The following SKI variants were observed in gnomAD, a reference collection of about 807,000 sequenced individuals.
SKI encodes ski oncogene.
Under a neutral mutation model 59.3 loss-of-function variants are expected in SKI, and 23 were observed. The observed-to-expected ratio is 0.39, with a 90% CI of 0.28 to 0.55. The LOEUF is 0.55. Among genes scored for constraint, SKI ranks in the 20% least tolerant of loss-of-function variants. SKI has a pLI of 0.67. For synonymous variants in SKI, 673 were observed against 488.6 expected (o/e 1.38, Z -4.98); for missense variants, 1,017 against 1,038.9 (o/e 0.98, Z 0.29).
chr1:2,266,311 G>T (rs1639498842), intron 1 of SKI, among the ~76,000 whole-genome samples: 1 of 152,158 alleles, frequency 6.6e-6, no homozygotes, highest in Non-Finnish European at 1.5e-5. Flanking sequence ...GTGATCTGGG[G>T]TCTGCGGAAT....
intron 1 of SKI, among the ~76,000 whole-genome samples, chr1:2,231,244 G>A (rs532210043): frequency 6.6e-6 from 1 of 152,272 alleles, no homozygotes; most frequent in African/African-American, 2.4e-5. Flanking sequence ...TTGTGGGCTC[G>A]TGCAGGCTGC....
chr1:2,309,424 G>C lies in SKI; in HGVS notation c.*2659G>C, dbSNP rs941429790. On this transcript the variant is annotated 3_prime_UTR_variant, in exon 7 of 7. Coordinates refer to ENST00000378536, the MANE Select transcript of SKI (RefSeq NM_003036.4). ...ACACGTAATGTCTGCTTTTCGTACA[G>C]AACTAGCCAATGTAAAAACAGTTCA... 2 of 152,122 alleles carry C rather than the reference G, an allele frequency of 1.3e-5. No individual in the cohort carries two copies. The highest frequency in any genetic ancestry group is 4.8e-5 in the African/African-American group (2 of 41,392). 9.4% of individuals were successfully genotyped at this position (152,122 alleles called of 1,614,324 possible).
Position 2,306,132 on chromosome 1 carries a change from T to A in SKI, c.1880T>A (p.Met627Lys). ...CTCCGCGCCGAGAACGAGAAGAAGA[T>A]GAAAGAGGCCAACGAGTCACGGCTG... The part of the protein sequence containing the change: ...ERLRAENEKK[M>K]KEANESRLRL... The change falls in exon 6 of 7, where the codon ATG (methionine) becomes AAG (lysine). Residue 627 changes from methionine (M) to lysine (K), a missense_variant. Physicochemically the swap from Met to Lys is moderately conservative, Grantham distance 95. Coordinates refer to ENST00000378536, the MANE Select transcript of SKI (RefSeq NM_003036.4). 6.3e-7 allele frequency: 1 copy of A among 1,597,122 alleles called. No individual in the cohort carries two copies. The highest frequency in any genetic ancestry group is 8.5e-7 in the Non-Finnish European group (1 of 1,173,250).
chr1:2,233,131 G>C (rs531141904), intron 1 of SKI, among the ~76,000 whole-genome samples: 7 of 152,214 alleles, frequency 4.6e-5, no homozygotes, highest in African/African-American at 1.4e-4. Context: ...CGTGCAGGCT[G>C]ATAACAGGGT....
chr1:2,244,115 G>A (rs1213751689), intron 1 of SKI, among the ~76,000 whole-genome samples: 1 of 151,982 alleles, frequency 6.6e-6, no homozygotes, highest in Non-Finnish European at 1.5e-5. Context: ...ACAGGTGCCC[G>A]CCACCACACC....
rs1019003468 is a variant in SKI at position 2,268,014 on chromosome 1, G to T, written c.970-34964G>T. ...CAGGCTGGGCAGCCGCCACCCCTCT[G>T]TGGACGCTACTCACCCTTAGAAGCA... On this transcript the variant is annotated intron_variant, in intron 1 of 6. Transcript: ENST00000378536. The surrounding 1 kb of genome is among the most constrained non-coding windows in gnomAD (Gnocchi z 5.0). Among the ~76,000 whole-genome samples, 7 of 152,172 alleles carry T rather than the reference G, an allele frequency of 4.6e-5. No homozygotes were observed. The highest frequency in any genetic ancestry group is 4.4e-5 in the Non-Finnish European group (3 of 68,002).
intron 1 of SKI, among the ~76,000 whole-genome samples, chr1:2,276,077 G>GC (rs1298722530): frequency 1.3e-5 from 2 of 152,250 alleles, no homozygotes; most frequent in African/African-American, 4.8e-5. Flanking sequence ...TTCACACTGA[G>GC]CAAGGGCTGG....
chr1:2,277,244 C>A (rs1639762563), intron 1 of SKI, among the ~76,000 whole-genome samples: 1 of 152,192 alleles, frequency 6.6e-6, no homozygotes, highest in African/African-American at 2.4e-5. Context: ...CAGGCACATG[C>A]TACCATGCCC....
At chr1:2,241,878 G>A (rs1638882663) in intron 1 of SKI, among the ~76,000 whole-genome samples, 1 of 152,224 alleles carries the variant, frequency 6.6e-6, no homozygotes, top group South Asian at 2.1e-4. Context: ...TCTCAGAAGT[G>A]TTTTCCTGCT....
rs960396257 is a variant in SKI, at chr1:2,310,122, G to A, written c.*3357G>A. On this transcript the variant is annotated 3_prime_UTR_variant, in exon 7 of 7. Coordinates refer to ENST00000378536, the MANE Select transcript of SKI (RefSeq NM_003036.4). ...AAATGCCTGATTTAAAAAGAAAAGAGCTTGGCATATTTATCTATTTCGCTG... is the reference window on the plus strand; with the variant it reads ...AAATGCCTGATTTAAAAAGAAAAGAACTTGGCATATTTATCTATTTCGCTG... The A allele has an allele frequency of 6.6e-6, 1 of 151,808 alleles. No homozygotes were observed. The highest frequency in any genetic ancestry group is 1.5e-5 in the Non-Finnish European group (1 of 67,992). The allele number at this position is 151,808 out of a possible 1,614,324, so 9.4% of individuals were successfully genotyped here.
At chr1:2,235,701 G>A (rs138271524) in intron 1 of SKI, among the ~76,000 whole-genome samples, 2 of 152,324 alleles carry the variant, frequency 1.3e-5, no homozygotes, top group African/African-American at 4.8e-5. Context: ...ACATGAGCCT[G>A]CTTATTTACG....
At chr1:2,262,585 C>T (rs1314897161) in intron 1 of SKI, among the ~76,000 whole-genome samples, 1 of 152,200 alleles carries the variant, frequency 6.6e-6, no homozygotes, top group Non-Finnish European at 1.5e-5. Flanking sequence ...GCGTGGACGC[C>T]CTTGCTCCTG....
intron 1 of SKI, among the ~76,000 whole-genome samples, chr1:2,253,133 A>G (rs16824944): frequency 1.5e-4 from 22 of 151,590 alleles, no homozygotes; most frequent in African/African-American, 4.8e-4. Flanking sequence ...AATTGGAGTA[A>G]ATATTTCATA....
intron 1 of SKI, among the ~76,000 whole-genome samples, chr1:2,258,610 T>A (rs1222146314): frequency 3.3e-5 from 5 of 151,482 alleles, no homozygotes; most frequent in Non-Finnish European, 7.4e-5. Flanking sequence ...GCTGGAGTGC[T>A]GTGATGTGGT....
chr1:2,258,756 TC>T (rs2100834961), intron 1 of SKI, among the ~76,000 whole-genome samples: 1 of 152,068 alleles, frequency 6.6e-6, no homozygotes, highest in African/African-American at 2.4e-5. Context: ...GGTTTGTTGG[TC>T]AGGCTGATCT....
intron 1 of SKI, among the ~76,000 whole-genome samples, chr1:2,233,994 G>T (rs2100798000): frequency 6.6e-6 from 1 of 152,290 alleles, no homozygotes; most frequent in East Asian, 1.9e-4. Context: ...AAAAGTGTTT[G>T]CTGCAAGTGT....
Position 2,306,579 on chromosome 1 carries a change from C to T in SKI, c.2001C>T (p.Ile667=), listed in dbSNP as rs1640588870. 1.9e-6 allele frequency: 3 copies of T among 1,542,186 alleles called. No individual in the cohort carries two copies. Among genetic ancestry groups the T allele is most frequent in the Non-Finnish European group, 1.7e-6 (2 of 1,145,404 alleles). ...GRLRAKYSAQ[I]EDLQVKLQHA... is the part of the protein sequence containing the mutation. ...CTGACCACTCGGCTCCCTTTCAGATCGAAGACCTGCAGGTGAAGCTGCAGC... is the reference window on the plus strand; with the variant it reads ...CTGACCACTCGGCTCCCTTTCAGATTGAAGACCTGCAGGTGAAGCTGCAGC... The change falls in exon 7 of 7, where the codon ATC becomes ATT. Residue 667 remains isoleucine, a splice_region_variant and synonymous_variant. Transcript: ENST00000378536.
chr1:2,295,226 C>T (rs1640256593), intron 1 of SKI, among the ~76,000 whole-genome samples: 1 of 152,212 alleles, frequency 6.6e-6, no homozygotes, highest in Non-Finnish European at 1.5e-5. Flanking sequence ...CAGGAGCTGC[C>T]CCTGCATGTC....
chr1:2,246,635 TGCGA>T (rs1189247567), intron 1 of SKI, among the ~76,000 whole-genome samples: 9 of 152,164 alleles, frequency 5.9e-5, no homozygotes, highest in Non-Finnish European at 1.0e-4. Context: ...CCCTCCTTTG[TGCGA>T]GCTGGGCGGG....
Sources: allele counts gnomAD v4.1 joint callset (sites outside exome capture counted in the v4.1 genomes callset), GRCh38; gene constraint gnomAD v4.1.1; non-coding constraint Gnocchi (gnomAD v3.1); transcripts MANE v1.5; gene names NCBI Gene and HGNC (gene_info 2026-07-23, HGNC 2026-07-21).